NUDT5: variants seen among roughly 807,000 people sequenced by gnomAD.
NUDT5 encodes ADP-sugar pyrophosphatase.
In NUDT5, 21 loss-of-function variants were observed where a neutral mutation model predicts 34.1. The ratio of observed to expected loss-of-function variants is 0.62; its 90% CI spans 0.44 to 0.89. NUDT5 has a LOEUF of 0.89. Among genes scored for constraint, NUDT5 ranks in the 40% least tolerant of loss-of-function variants. NUDT5 has a pLI of 0.00. For missense variants in NUDT5, 249 were observed against 274.8 expected (o/e 0.91, Z 0.66); for synonymous variants, 85 against 97.6 (o/e 0.87, Z 0.76).
In NUDT5 at chr10:12,173,926, G is replaced by C. The variant is rs1239481428; in HGVS notation, c.290-113C>G. On this transcript the variant is annotated intron_variant, in intron 5 of 9. Transcript: ENST00000491614. The surrounding 1 kb of genome is among the most constrained non-coding windows in gnomAD (Gnocchi z 4.7). ...CTGTCGCCCAGGCTGGAGTGCAGTG[G>C]TGCGATCTCGGCCCACTGCAACCTC... 1.6e-5 allele frequency: 12 copies of C among 767,176 alleles called. No homozygotes were observed. The highest frequency in any genetic ancestry group is 2.7e-5 in the Non-Finnish European group (12 of 441,010). The allele number at this position is 767,176 out of a possible 1,614,324, so 47.5% of individuals were successfully genotyped here.
intron 4 of NUDT5, 95 bp downstream of exon 4, chr10:12,178,988 C>T (rs762557553): frequency 9.8e-7 from 1 of 1,018,384 alleles, no homozygotes; most frequent in South Asian, 1.3e-5. Context: ...GACACAACAT[C>T]CTAATAGAAG....
chr10:12,178,508 T>C (rs1183224822), intron 4 of NUDT5, among the ~76,000 whole-genome samples: 1 of 152,214 alleles, frequency 6.6e-6, no homozygotes, highest in Non-Finnish European at 1.5e-5. Flanking sequence ...TAGCTACTGT[T>C]TGCTTCCAGC....
chr10:12,174,268 T>TC (rs1353555672), intron 5 of NUDT5, among the ~76,000 whole-genome samples: 1 of 148,908 alleles, frequency 6.7e-6, no homozygotes, highest in African/African-American at 2.5e-5. Context: ...TGGAACTCTT[T>TC]TTTTTTTTTT....
chr10:12,177,515 T>A (rs1013001892), intron 5 of NUDT5, among the ~76,000 whole-genome samples: 1 of 152,168 alleles, frequency 6.6e-6, no homozygotes, highest in African/African-American at 2.4e-5. Flanking sequence ...CGAGACTCCG[T>A]CTCACAAAAC....
intron 6 of NUDT5, 121 bp from the exon 7 acceptor site, chr10:12,172,987 T>A: frequency 1.5e-6 from 1 of 689,002 alleles, no homozygotes; most frequent in Non-Finnish European, 2.5e-6. Context: ...GGAAAACTAG[T>A]TCTCACATTT....
chr10:12,177,699 A>G (rs1443406330), intron 5 of NUDT5, 94 bp downstream of exon 5: 3 of 921,368 alleles, frequency 3.3e-6, no homozygotes, highest in East Asian at 2.4e-5. Flanking sequence ...ACAAGGACAG[A>G]TTAAAAACTG....
chr10:12,194,831 G>A (rs960639511), intron 1 of NUDT5, among the ~76,000 whole-genome samples: 1 of 152,206 alleles, frequency 6.6e-6, no homozygotes, highest in Non-Finnish European at 1.5e-5. Context: ...CAAGCCTAAA[G>A]CTCGTGTGGT....
intron 1 of NUDT5, among the ~76,000 whole-genome samples, chr10:12,194,237 G>T (rs555360199): frequency 6.6e-6 from 1 of 152,350 alleles, no homozygotes; most frequent in South Asian, 2.1e-4. Context: ...ATGTTCCCGG[G>T]ATCTATTCTC....
At chr10:12,172,339 G>A (rs1202064336) in intron 7 of NUDT5, among the ~76,000 whole-genome samples, 1 of 151,652 alleles carries the variant, frequency 6.6e-6, no homozygotes, top group Non-Finnish European at 1.5e-5. Context: ...CACCATCATA[G>A]CTCCTCCAAC....
intron 3 of NUDT5, chr10:12,184,554 G>C: frequency 6.6e-7 from 1 of 1,514,182 alleles, no homozygotes; most frequent in African/African-American, 1.4e-5. Context: ...ATTAAAAACA[G>C]ATTTTACTAG....
chr10:12,180,596 A>G (rs534408976), intron 3 of NUDT5: 2 of 152,380 alleles, frequency 1.3e-5, no homozygotes, highest in African/African-American at 2.4e-5. Flanking sequence ...AAACGCATTG[A>G]TAAGAAATCT....
Position 12,168,675 on chromosome 10 carries a change from G to A in NUDT5, c.551-864C>T, listed in dbSNP as rs1367299272. Among the ~76,000 whole-genome samples the A allele has an allele frequency of 6.6e-6, 1 of 152,156 alleles. No individual in the cohort carries two copies. The highest frequency in any genetic ancestry group is 1.5e-5 in the Non-Finnish European group (1 of 68,024). On this transcript the variant is annotated intron_variant, in intron 9 of 9. Coordinates refer to ENST00000491614, the MANE Select transcript of NUDT5 (RefSeq NM_014142.4). This position sits in a 1 kb window ranked among gnomAD's most constrained non-coding sequence, Gnocchi z 4.8. ...GGGAACAAGCCTGGGGACATTTGCA[G>A]GCAGGAAGCATGTCCTACTCACCTG...
In NUDT5 at chr10:12,166,385, A is replaced by G. The variant is rs973311813; in HGVS notation, c.*1317T>C. ...AGAGGCATAGGGGAAGGCTACCATT[A>G]CAGGAAGTAGTTGGATCTTAATTTT... On this transcript the variant is annotated 3_prime_UTR_variant, in exon 10 of 10. Transcript: ENST00000491614. 2 of 159,022 alleles carry G rather than the reference A, an allele frequency of 1.3e-5. No individual in the cohort carries two copies. The highest frequency in any genetic ancestry group is 2.8e-5 in the Non-Finnish European group (2 of 71,852). The allele number at this position is 159,022 out of a possible 1,614,324, so 9.9% of individuals were successfully genotyped here. A position where few individuals can be genotyped will look rare whatever the true frequency, so the allele number is the denominator to read the frequency against.
chr10:12,184,006 A>C (rs1056262853), intron 3 of NUDT5, among the ~76,000 whole-genome samples: 1 of 152,118 alleles, frequency 6.6e-6, no homozygotes, highest in Admixed American at 6.6e-5. Context: ...TCTATACATA[A>C]ATTTAATTCT....
rs1445526148 is a variant in NUDT5 at position 12,189,635 on chromosome 10, CA to C, written c.-41-3304del. 2.0e-5 allele frequency among the ~76,000 whole-genome samples: 3 copies of C among 152,108 alleles called. No homozygotes were observed. In the East Asian group the frequency reaches 5.8e-4, roughly 29 times the overall value. Reference sequence around the variant, plus strand: ...TTCAAAAGCAGAAGCCAAATAGTGCCATTCGGGGGCCAGTCACTGCCAGCAA... The same window carrying C: ...TTCAAAAGCAGAAGCCAAATAGTGCCTTCGGGGGCCAGTCACTGCCAGCAA... On this transcript the variant is annotated intron_variant, in intron 1 of 9. Transcript: ENST00000491614.
chr10:12,192,280 G>C (rs1008521072), intron 1 of NUDT5, among the ~76,000 whole-genome samples: 1 of 151,292 alleles, frequency 6.6e-6, no homozygotes, highest in South Asian at 2.1e-4. Context: ...CTCCAGCATG[G>C]TGACAGAGTG....
At chr10:12,174,656 G>A (rs1050453546) in intron 5 of NUDT5, among the ~76,000 whole-genome samples, 1 of 152,178 alleles carries the variant, frequency 6.6e-6, no homozygotes, top group African/African-American at 2.4e-5. Flanking sequence ...TCATCCAGTC[G>A]TCCTATTCAG....
intron 2 of NUDT5, among the ~76,000 whole-genome samples, 155 bp downstream of exon 2, chr10:12,186,074 G>A (rs552649932): frequency 1.3e-5 from 2 of 152,184 alleles, no homozygotes; most frequent in African/African-American, 2.4e-5. Context: ...TCCCACACAA[G>A]AGCAAAATGT....
Position 12,181,940 on chromosome 10 carries a change from A to G in NUDT5, c.132-2808T>C, listed in dbSNP as rs1012840180. On this transcript the variant is annotated intron_variant, in intron 3 of 9. Coordinates refer to ENST00000491614, the MANE Select transcript of NUDT5 (RefSeq NM_014142.4). This position sits in a 1 kb window ranked among gnomAD's most constrained non-coding sequence, Gnocchi z 5.0. ...GATCACCTGAGGTCAGGAGTTTCAGACCATCCTGGCCAACAACACTGCCTC... is the reference window on the plus strand; with the variant it reads ...GATCACCTGAGGTCAGGAGTTTCAGGCCATCCTGGCCAACAACACTGCCTC... Among the ~76,000 whole-genome samples, 2 of 152,132 alleles carry G rather than the reference A, an allele frequency of 1.3e-5. No homozygotes were observed. Among genetic ancestry groups the G allele is most frequent in the African/African-American group, 4.8e-5 (2 of 41,416 alleles).
Sources: allele counts gnomAD v4.1 joint callset (sites outside exome capture counted in the v4.1 genomes callset), GRCh38; gene constraint gnomAD v4.1.1; non-coding constraint Gnocchi (gnomAD v3.1); transcripts MANE v1.5; gene names NCBI Gene and HGNC (gene_info 2026-07-23, HGNC 2026-07-21).